The following DPP10 variants were observed in gnomAD, a reference collection of about 807,000 sequenced individuals.
DPP10 encodes dipeptidyl peptidase like 10, also known as inactive dipeptidyl peptidase 10.
A neutral mutation model predicts 120.9 loss-of-function variants in DPP10; 33 were observed. The observed-to-expected ratio is 0.27, with a 90% CI of 0.21 to 0.37. DPP10 has a LOEUF of 0.37. Among genes scored for constraint, DPP10 ranks in the 10% least tolerant of loss-of-function variants. The pLI is 1.00. For missense variants in DPP10, 816 were observed against 942.8 expected (o/e 0.87, Z 1.76); for synonymous variants, 337 against 326.1 (o/e 1.03, Z -0.36).
At chr2:115,148,614 C>G (rs1334440197) in intron 1 of DPP10, among the ~76,000 whole-genome samples, 1 of 151,984 alleles carries the variant, frequency 6.6e-6, no homozygotes, top group Non-Finnish European at 1.5e-5. Context: ...AGTGTAGTCT[C>G]TGTCTTTTAT....
At chr2:115,163,035 C>T (rs2052550301) in intron 1 of DPP10, among the ~76,000 whole-genome samples, 1 of 152,046 alleles carries the variant, frequency 6.6e-6, no homozygotes, top group Non-Finnish European at 1.5e-5. Context: ...AACTGTGGAC[C>T]CGCGGGACCC....
At chr2:115,766,268 A>C (rs1427478333) in intron 12 of DPP10, among the ~76,000 whole-genome samples, 3 of 144,610 alleles carry the variant, frequency 2.1e-5, no homozygotes, top group Non-Finnish European at 3.0e-5. Context: ...ACAATGAACA[A>C]AAATACTCAT....
intron 5 of DPP10, among the ~76,000 whole-genome samples, chr2:115,663,417 A>G (rs570485897): frequency 5.3e-5 from 8 of 152,242 alleles, no homozygotes; most frequent in African/African-American, 1.7e-4. Flanking sequence ...TTTTCCTTGC[A>G]CAACTTTTCA....
chr2:115,548,807 C>T (rs2079680697), intron 5 of DPP10, among the ~76,000 whole-genome samples: 1 of 152,120 alleles, frequency 6.6e-6, no homozygotes, highest in Non-Finnish European at 1.5e-5. Context: ...ATCTCAAATA[C>T]AAATAGTCTT....
At chr2:115,759,877 G>A (rs1219539140) in intron 11 of DPP10, among the ~76,000 whole-genome samples, 3 of 152,018 alleles carry the variant, frequency 2.0e-5, no homozygotes, top group Non-Finnish European at 4.4e-5. Context: ...GGGCATGTTG[G>A]CGCATGCCTG....
chr2:115,761,992 A>G (rs12997351), intron 11 of DPP10, among the ~76,000 whole-genome samples: 1 of 152,062 alleles, frequency 6.6e-6, no homozygotes, highest in Non-Finnish European at 1.5e-5. Context: ...AAATTAGTCT[A>G]ATTTTGCTTT....
intron 5 of DPP10, among the ~76,000 whole-genome samples, chr2:115,552,065 A>G (rs2079908967): frequency 6.6e-6 from 1 of 152,134 alleles, no homozygotes; most frequent in Admixed American, 6.6e-5. Context: ...GCAAAAGAGT[A>G]GATTGAATTA....
intron 1 of DPP10, among the ~76,000 whole-genome samples, chr2:114,872,537 G>T (rs537803705): frequency 6.6e-6 from 1 of 152,274 alleles, no homozygotes; most frequent in African/African-American, 2.4e-5. Context: ...GCCCCTGGTG[G>T]CAGGCTTTAT....
intron 13 of DPP10, among the ~76,000 whole-genome samples, chr2:115,774,982 A>G (rs1218679950): frequency 6.6e-6 from 1 of 152,188 alleles, no homozygotes; most frequent in African/African-American, 2.4e-5. Flanking sequence ...AATTGCACAA[A>G]TAACAACATT....
chr2:114,834,530 G>T (rs896848694), intron 1 of DPP10, among the ~76,000 whole-genome samples: 1 of 131,286 alleles, frequency 7.6e-6, no homozygotes, highest in African/African-American at 2.9e-5. Context: ...ACATATCTAC[G>T]CACCTATGTA....
chr2:115,079,509 A>G (rs983174971), intron 1 of DPP10, among the ~76,000 whole-genome samples: 2 of 152,160 alleles, frequency 1.3e-5, no homozygotes, highest in Non-Finnish European at 2.9e-5. Context: ...AACAGTGTAT[A>G]TTGGATTTGG....
chr2:114,529,243 T>C (rs1685754658), intron 1 of DPP10, among the ~76,000 whole-genome samples: 1 of 152,146 alleles, frequency 6.6e-6, no homozygotes, highest in South Asian at 2.1e-4. Flanking sequence ...AGTGACTCCT[T>C]TGCTACATTT....
chr2:115,318,578 A>G (rs2106086317), intron 2 of DPP10, among the ~76,000 whole-genome samples: 1 of 152,278 alleles, frequency 6.6e-6, no homozygotes, highest in East Asian at 1.9e-4. Context: ...CATTCTGGAA[A>G]TAATTTAAAT....
chr2:115,069,537 C>T (rs1307168554), intron 1 of DPP10, among the ~76,000 whole-genome samples: 1 of 152,058 alleles, frequency 6.6e-6, no homozygotes, highest in African/African-American at 2.4e-5. Context: ...CCAGACTGTT[C>T]AGTTGTTTCC....
chr2:115,416,645 C>T (rs911919781), intron 3 of DPP10, among the ~76,000 whole-genome samples: 44 of 152,192 alleles, frequency 2.9e-4, no homozygotes, highest in South Asian at 1.0e-3. Context: ...TATTCAGATA[C>T]TCAATATTCC....
chr2:114,845,773 A>C (rs1688501882), intron 1 of DPP10, among the ~76,000 whole-genome samples: 1 of 152,178 alleles, frequency 6.6e-6, no homozygotes, highest in African/African-American at 2.4e-5. Flanking sequence ...ACTTCTAAAT[A>C]GATACTTTCT....
chr2:114,761,472 C>T (rs1049736999), intron 1 of DPP10, among the ~76,000 whole-genome samples: 1 of 152,130 alleles, frequency 6.6e-6, no homozygotes, highest in African/African-American at 2.4e-5. Flanking sequence ...CTGGGTACTA[C>T]AGATAATATC....
chr2:114,461,992 G>C (rs752462299), intron 1 of DPP10: 1 of 985,346 alleles, frequency 1.0e-6, no homozygotes, highest in Non-Finnish European at 1.2e-6. Context: ...CTGCTGAATC[G>C]AAAGGAAGTG....
chr2:115,352,672 G>A (rs2064112881), intron 3 of DPP10, among the ~76,000 whole-genome samples: 2 of 152,118 alleles, frequency 1.3e-5, no homozygotes, highest in Admixed American at 1.3e-4. Context: ...TGAATATAAA[G>A]GGTTTTTTTC....
Sources: allele counts gnomAD v4.1 joint callset (sites outside exome capture counted in the v4.1 genomes callset), GRCh38; gene constraint gnomAD v4.1.1; transcripts MANE v1.5; gene names NCBI Gene and HGNC (gene_info 2026-07-23, HGNC 2026-07-21).